Variants in SEMA3D observed in about 807,000 individuals in gnomAD.
SEMA3D encodes semaphorin-3D.
SEMA3D carries 84 observed loss-of-function variants against 100.1 expected under a neutral mutation model. The observed-to-expected ratio is 0.84, with a 90% CI of 0.70 to 1.01. The LOEUF (loss-of-function observed/expected upper bound fraction) is 1.01. Ranked by LOEUF, SEMA3D falls within the 50% of genes least tolerant of loss-of-function variation. SEMA3D has a pLI of 0.00. For missense variants in SEMA3D, 875 were observed against 934.1 expected (o/e 0.94, Z 0.82); for synonymous variants, 312 against 320.7 (o/e 0.97, Z 0.29).
At chr7:85,164,257 T>A (rs1281221038) in intron 1 of SEMA3D, among the ~76,000 whole-genome samples, 1 of 152,134 alleles carries the variant, frequency 6.6e-6, no homozygotes, top group African/African-American at 2.4e-5. Flanking sequence ...TATCACTGTA[T>A]AATGATACCA....
chr7:85,105,658 A>G (rs1222485777), intron 3 of SEMA3D, among the ~76,000 whole-genome samples: 1 of 152,068 alleles, frequency 6.6e-6, no homozygotes, highest in Non-Finnish European at 1.5e-5. Flanking sequence ...CACACTAACC[A>G]TTATTTCCTT....
rs1164241988 is a variant in SEMA3D, at chr7:85,065,430, G to T, written c.712C>A (p.Leu238Ile). The T allele has an allele frequency of 1.9e-6, 3 of 1,613,118 alleles. No individual in the cohort carries two copies. The highest frequency in any genetic ancestry group is 2.5e-6 in the Non-Finnish European group (3 of 1,179,398). The change falls in exon 8 of 19, where the codon CTC (leucine) becomes ATC (isoleucine). Residue 238 changes from leucine (L) to isoleucine (I), a missense_variant. Coordinates refer to ENST00000284136, the MANE Select transcript of SEMA3D (RefSeq NM_001384900.1). ...ACAAAAAAAAATCACAAACCATTGA[G>T]CCAGTAGTGCTCTGAAATGTCAGTT... ...IRTDISEHYW[L>I]NGAKFIGTFF...
chr7:85,201,700 T>G, the SEMA3D span, among the ~76,000 whole-genome samples: 7 of 152,140 alleles, frequency 4.6e-5, no homozygotes, highest in South Asian at 1.5e-3. Context: ...GATTTCCTTT[T>G]TCATTTCCAT....
intron 12 of SEMA3D, among the ~76,000 whole-genome samples, chr7:85,031,310 A>T (rs1057448075): frequency 2.0e-5 from 3 of 152,156 alleles, no homozygotes; most frequent in East Asian, 3.9e-4. Flanking sequence ...ACAATTTTTT[A>T]AAAAATAACC....
chr7:85,175,476 C>T (rs926704933), intron 1 of SEMA3D, among the ~76,000 whole-genome samples: 2 of 152,120 alleles, frequency 1.3e-5, no homozygotes, highest in African/African-American at 2.4e-5. Flanking sequence ...TCTGCCAAAC[C>T]TCATCATAGT....
At chr7:85,150,481 T>C (rs1182442891) in intron 2 of SEMA3D, among the ~76,000 whole-genome samples, 1 of 126,296 alleles carries the variant, frequency 7.9e-6, no homozygotes, top group African/African-American at 2.9e-5. Context: ...CAGGGATATA[T>C]ATATATACAC....
intron 1 of SEMA3D, among the ~76,000 whole-genome samples, chr7:85,182,970 T>C (rs1791444266): frequency 6.6e-6 from 1 of 152,192 alleles, no homozygotes; most frequent in South Asian, 2.1e-4. Context: ...AAGGAACATG[T>C]GTCAGCAATG....
intron 3 of SEMA3D, among the ~76,000 whole-genome samples, chr7:85,104,253 G>T (rs1411482894): frequency 6.6e-6 from 1 of 152,016 alleles, no homozygotes; most frequent in East Asian, 1.9e-4. Flanking sequence ...TCACAGCCTA[G>T]TGGAGAGAAA....
At chr7:85,034,325 G>A (rs1014443038) in intron 12 of SEMA3D, among the ~76,000 whole-genome samples, 3 of 152,062 alleles carry the variant, frequency 2.0e-5, no homozygotes, top group Non-Finnish European at 4.4e-5. Context: ...GAATGACCTA[G>A]GCCGGGCATG....
At chr7:85,206,385 A>G in the SEMA3D span, among the ~76,000 whole-genome samples, 4 of 152,064 alleles carry the variant, frequency 2.6e-5, no homozygotes, top group Non-Finnish European at 4.4e-5. Flanking sequence ...TGAAGGGGGG[A>G]AATAGACAAT....
At chr7:85,243,132 CTAAG>C in the SEMA3D span, among the ~76,000 whole-genome samples, 2 of 152,252 alleles carry the variant, frequency 1.3e-5, no homozygotes, top group African/African-American at 2.4e-5. Context: ...TTCCTTTCTC[CTAAG>C]TAAGTCTCTG....
chr7:85,061,935 A>G (rs1026079600), intron 8 of SEMA3D, among the ~76,000 whole-genome samples: 5 of 152,070 alleles, frequency 3.3e-5, no homozygotes, highest in Non-Finnish European at 7.3e-5. Context: ...CATCTTCTCT[A>G]TCTGTCCCTG....
At chr7:85,151,584 T>G (rs1455317401) in intron 2 of SEMA3D, 2 of 917,686 alleles carry the variant, frequency 2.2e-6, no homozygotes, top group Non-Finnish European at 2.6e-6. Flanking sequence ...GATGTGTGTA[T>G]GCATGTGTGT....
the SEMA3D span, among the ~76,000 whole-genome samples, chr7:85,222,559 G>A: frequency 1.3e-5 from 2 of 151,986 alleles, no homozygotes; most frequent in Admixed American, 1.3e-4. Context: ...CTAAAAGTAT[G>A]GCCAGAATTA....
intron 3 of SEMA3D, among the ~76,000 whole-genome samples, chr7:85,108,695 A>C (rs1779397904): frequency 6.6e-6 from 1 of 151,962 alleles, no homozygotes; most frequent in African/African-American, 2.4e-5. Flanking sequence ...ATTCTTCCTC[A>C]CACTAGAATT....
chr7:85,003,920 CTGT>C (rs1352129338), intron 18 of SEMA3D, among the ~76,000 whole-genome samples: 20 of 152,222 alleles, frequency 1.3e-4, no homozygotes, highest in Non-Finnish European at 2.1e-4. Context: ...TAGCAATACG[CTGT>C]TGTTTATCAA....
At chr7:85,234,470 G>C in the SEMA3D span, among the ~76,000 whole-genome samples, 1 of 152,154 alleles carries the variant, frequency 6.6e-6, no homozygotes, top group African/African-American at 2.4e-5. Context: ...GAGAGATTGA[G>C]AGATCAGTGG....
the SEMA3D span, among the ~76,000 whole-genome samples, chr7:85,231,342 A>T: frequency 2.0e-5 from 3 of 151,916 alleles, no homozygotes; most frequent in African/African-American, 7.2e-5. Flanking sequence ...TTATTTTTTT[A>T]AACTGCTGTA....
chr7:85,055,609 A>G lies in SEMA3D; in HGVS notation c.861+108T>C, dbSNP rs544796529. On this transcript the variant is annotated intron_variant, in intron 9 of 18. Coordinates refer to ENST00000284136, the MANE Select transcript of SEMA3D (RefSeq NM_001384900.1). ...TACCATTTATGAATAATGAGCATTA[A>G]CTTTGGCTTAAACCTTGCCAAAGTT... The G allele has an allele frequency of 1.4e-4, 29 of 201,366 alleles. No individual in the cohort carries two copies. In the South Asian group the frequency reaches 5.5e-3, roughly 38 times the overall value. 12.5% of individuals were successfully genotyped at this position (201,366 alleles called of 1,614,324 possible). A position where few individuals can be genotyped will look rare whatever the true frequency, so the allele number is the denominator to read the frequency against.
Sources: gnomAD v4.1 joint callset for allele counts (sites outside exome capture counted in the v4.1 genomes callset) on GRCh38, gnomAD v4.1.1 for gene constraint, MANE v1.5 for transcripts, NCBI Gene and HGNC (gene_info 2026-07-23, HGNC 2026-07-21) for gene names.